RBPMS: variants seen among roughly 807,000 people sequenced by gnomAD.
RBPMS encodes RNA binding protein, mRNA processing factor, also known as RNA-binding protein with multiple splicing.
In RBPMS, 7 loss-of-function variants were observed where a neutral mutation model predicts 26.8. The observed-to-expected ratio is 0.26, with a 90% CI of 0.15 to 0.49. The LOEUF (loss-of-function observed/expected upper bound fraction) is 0.49, where lower values mean the gene tolerates loss of function less well. RBPMS is among the 20% of genes least tolerant of loss of function. The pLI, the probability that RBPMS is intolerant of heterozygous loss-of-function variation, is 0.98. For synonymous variants in RBPMS, 96 were observed against 93.3 expected (o/e 1.03, Z -0.17); for missense variants, 186 against 250.0 (o/e 0.74, Z 1.73).
At chr8:30,459,972 CTG>C (rs1197549516) in intron 1 of RBPMS, among the ~76,000 whole-genome samples, 1 of 152,174 alleles carries the variant, frequency 6.6e-6, no homozygotes, top group Non-Finnish European at 1.5e-5. Context: ...CTTGTAAGAT[CTG>C]TGTCTCTTTA....
intron 7 of RBPMS, chr8:30,565,428 C>T (rs1000614808): frequency 6.6e-6 from 1 of 152,214 alleles, no homozygotes; most frequent in African/African-American, 2.4e-5. Context: ...GCATACTGGA[C>T]ACGGCCTGTC....
intron 1 of RBPMS, among the ~76,000 whole-genome samples, chr8:30,412,565 G>A (rs1809583393): frequency 1.3e-5 from 2 of 151,502 alleles, no homozygotes; most frequent in South Asian, 4.2e-4. Context: ...ACCAATTATA[G>A]TAAAATCCAT....
intron 5 of RBPMS, among the ~76,000 whole-genome samples, chr8:30,539,131 T>G (rs1001313412): frequency 4.6e-5 from 7 of 152,164 alleles, no homozygotes; most frequent in African/African-American, 1.7e-4. Flanking sequence ...GTTTCAAAAT[T>G]TATATTATTC....
intron 6 of RBPMS, chr8:30,555,898 C>T (rs1826846448): frequency 1.0e-6 from 1 of 985,308 alleles, no homozygotes; most frequent in African/African-American, 1.7e-5. Context: ...TAGCGCGGAG[C>T]AGCTTGTTCC....
chr8:30,491,376 C>T (rs909364219), intron 4 of RBPMS, among the ~76,000 whole-genome samples: 1 of 152,030 alleles, frequency 6.6e-6, no homozygotes, highest in African/African-American at 2.4e-5. Flanking sequence ...GGGAAGAAAA[C>T]AAGAAAATGC....
chr8:30,543,099 G>T (rs1241179340), intron 5 of RBPMS, among the ~76,000 whole-genome samples: 1 of 152,142 alleles, frequency 6.6e-6, no homozygotes, highest in African/African-American at 2.4e-5. Context: ...AGGCCAACCA[G>T]CAACAGTATG....
intron 5 of RBPMS, among the ~76,000 whole-genome samples, chr8:30,541,064 C>A (rs182710416): frequency 1.3e-5 from 2 of 152,154 alleles, no homozygotes; most frequent in African/African-American, 4.8e-5. Flanking sequence ...AGTTCTTAAA[C>A]CTTGTGTTAC....
chr8:30,441,933 G>A (rs1813122026), intron 1 of RBPMS, among the ~76,000 whole-genome samples: 2 of 152,116 alleles, frequency 1.3e-5, no homozygotes, highest in African/African-American at 4.8e-5. Context: ...GGGATTACAG[G>A]CGTGTGCCAC....
intron 6 of RBPMS, chr8:30,553,095 T>A (rs1826533000): frequency 6.6e-6 from 1 of 152,264 alleles, no homozygotes; most frequent in African/African-American, 2.4e-5. Context: ...TCTGCCTAGA[T>A]CATAGCGACT....
chr8:30,483,059 C>T (rs1438178700), intron 4 of RBPMS, among the ~76,000 whole-genome samples: 1 of 152,148 alleles, frequency 6.6e-6, no homozygotes, highest in Non-Finnish European at 1.5e-5. Context: ...TTTCCAGCAA[C>T]TGTGAGGACC....
At chr8:30,523,582 G>A (rs1823276566) in intron 5 of RBPMS, among the ~76,000 whole-genome samples, 1 of 150,176 alleles carries the variant, frequency 6.7e-6, no homozygotes. Context: ...TAGTGTGCCA[G>A]GGCTTTAGGG....
chr8:30,388,824 C>T (rs6468319), intron 1 of RBPMS, among the ~76,000 whole-genome samples: 28,296 of 151,872 alleles, frequency 0.19, 3,105 homozygotes, highest in East Asian at 0.34. Context: ...TTAATTTCTC[C>T]TTAAATTGCT....
At chr8:30,449,369 C>CTTTTTTTTTT (rs5890522) in intron 1 of RBPMS, among the ~76,000 whole-genome samples, 3 of 106,510 alleles carry the variant, frequency 2.8e-5, no homozygotes, top group African/African-American at 1.2e-4. Flanking sequence ...CACATCTCCT[C>CTTTTTTTTTT]TTTTTTTTTT....
intron 5 of RBPMS, among the ~76,000 whole-genome samples, chr8:30,522,505 C>T (rs553289813): frequency 6.6e-6 from 1 of 152,290 alleles, no homozygotes; most frequent in Non-Finnish European, 1.5e-5. Flanking sequence ...AAGACCCTTT[C>T]TCAAAACACA....
chr8:30,504,778 C>T (rs1379576728), intron 5 of RBPMS, among the ~76,000 whole-genome samples: 2 of 152,164 alleles, frequency 1.3e-5, no homozygotes, highest in African/African-American at 4.8e-5. Flanking sequence ...AGCTGGTTCT[C>T]AGCATTTACT....
chr8:30,561,510 A>C (rs778086658), intron 7 of RBPMS, among the ~76,000 whole-genome samples: 27 of 152,200 alleles, frequency 1.8e-4, no homozygotes, highest in Non-Finnish European at 2.9e-4. Context: ...TCTGAAGCGC[A>C]CAAGAGAAGG....
chr8:30,424,804 T>C (rs1484822370), intron 1 of RBPMS, among the ~76,000 whole-genome samples: 3 of 152,192 alleles, frequency 2.0e-5, no homozygotes, highest in Admixed American at 2.0e-4. Flanking sequence ...CAGTGACAAT[T>C]TCTTTTTTGT....
At chr8:30,392,698 G>A (rs1278687829) in intron 1 of RBPMS, among the ~76,000 whole-genome samples, 1 of 152,224 alleles carries the variant, frequency 6.6e-6, no homozygotes, top group Non-Finnish European at 1.5e-5. Flanking sequence ...TCAGGGCCTA[G>A]ATAACTGTCA....
intron 1 of RBPMS, among the ~76,000 whole-genome samples, chr8:30,389,096 A>G (rs1197156462): frequency 2.0e-5 from 3 of 152,210 alleles, no homozygotes; most frequent in Admixed American, 6.5e-5. Context: ...ATTAAAGTCA[A>G]TCTACATTGT....
Sources: allele counts gnomAD v4.1 joint callset (sites outside exome capture counted in the v4.1 genomes callset), GRCh38; gene constraint gnomAD v4.1.1; transcripts MANE v1.5; gene names NCBI Gene and HGNC (gene_info 2026-07-23, HGNC 2026-07-21).